RFX7: variants seen among roughly 807,000 people sequenced by gnomAD.
RFX7 encodes the protein DNA-binding protein RFX7.
A neutral mutation model predicts 111.8 loss-of-function variants in RFX7; 26 were observed. That is an observed-to-expected ratio of 0.23 (90% CI 0.17 to 0.32). The LOEUF (loss-of-function observed/expected upper bound fraction) is 0.32. RFX7 is among the 10% of genes least tolerant of loss of function. RFX7 has a pLI of 1.00. For missense variants in RFX7, 1,573 were observed against 1,772.9 expected (o/e 0.89, Z 2.02); for synonymous variants, 624 against 624.4 (o/e 1.00, Z 0.01).
intron 3 of RFX7, among the ~76,000 whole-genome samples, chr15:56,150,101 C>A (rs1291171477): frequency 6.6e-6 from 1 of 152,172 alleles, no homozygotes; most frequent in Non-Finnish European, 1.5e-5. Flanking sequence ...ACAGGATAAA[C>A]AAAGCTGCTG....
At chr15:56,112,071 C>T (rs1268896580) in intron 5 of RFX7, among the ~76,000 whole-genome samples, 9 of 150,500 alleles carry the variant, frequency 6.0e-5, no homozygotes, top group Admixed American at 1.3e-4. Context: ...GCTGAGATTT[C>T]GCCACTGCAC....
chr15:56,157,972 T>A (rs192531827), intron 3 of RFX7, among the ~76,000 whole-genome samples: 67 of 152,324 alleles, frequency 4.4e-4, no homozygotes, highest in Middle Eastern at 3.4e-3. Context: ...TATAAGAATA[T>A]CACCCAGTAA....
At chr15:56,179,984 G>A (rs1008313314) in intron 2 of RFX7, among the ~76,000 whole-genome samples, 1 of 152,082 alleles carries the variant, frequency 6.6e-6, no homozygotes. Flanking sequence ...TAACACAAAT[G>A]AAGCCAGTAT....
intron 5 of RFX7, among the ~76,000 whole-genome samples, chr15:56,130,614 T>TA (rs202052502): frequency 0.02 from 3,042 of 151,464 alleles, 41 homozygotes; most frequent in Middle Eastern, 0.031. Flanking sequence ...AAAACAAAGT[T>TA]AAGCATTCCA....
At chr15:56,128,120 G>T (rs2042168833) in intron 5 of RFX7, among the ~76,000 whole-genome samples, 1 of 152,154 alleles carries the variant, frequency 6.6e-6, no homozygotes. Context: ...GATTGAATTA[G>T]TAACTTAAAA....
intron 5 of RFX7, among the ~76,000 whole-genome samples, chr15:56,117,724 G>C (rs2042026489): frequency 6.6e-6 from 1 of 152,114 alleles, no homozygotes; most frequent in African/African-American, 2.4e-5. Flanking sequence ...AGAGCATGCA[G>C]CATTTAACTT....
chr15:56,194,835 C>T (rs2043132493), intron 2 of RFX7, among the ~76,000 whole-genome samples: 1 of 152,064 alleles, frequency 6.6e-6, no homozygotes, highest in African/African-American at 2.4e-5. Flanking sequence ...GATGATATGG[C>T]TGCTCTTGAA....
At chr15:56,168,445 C>T (rs1217296431) in intron 3 of RFX7, among the ~76,000 whole-genome samples, 1 of 152,108 alleles carries the variant, frequency 6.6e-6, no homozygotes, top group Non-Finnish European at 1.5e-5. Context: ...AAGTCCCAGC[C>T]CTTACTTCCA....
chr15:56,224,991 T>C (rs1697757187), intron 2 of RFX7, among the ~76,000 whole-genome samples: 1 of 152,128 alleles, frequency 6.6e-6, no homozygotes, highest in African/African-American at 2.4e-5. Flanking sequence ...GCCTCCTTTA[T>C]CACTGATTTG....
rs761122500 is a variant in RFX7 at position 56,199,424 on chromosome 15, C to T, written c.162-20121G>A. Among the ~76,000 whole-genome samples the T allele has an allele frequency of 8.5e-5, 13 of 152,222 alleles. No homozygotes were observed. The South Asian group carries it at 1.2e-3, about 15-fold the overall frequency. On this transcript the variant is annotated intron_variant, in intron 2 of 9. Transcript: ENST00000559447. The stretch of plus-strand genomic sequence containing the variant: ...TTTAAAAATAGCTAATTTGCTCTAA[C>T]AGGATTGTAAAAATATGTATTTTGG...
intron 2 of RFX7, 76 bp downstream of exon 2, chr15:56,243,049 G>GCC: frequency 2.1e-6 from 1 of 476,998 alleles, no homozygotes; most frequent in Non-Finnish European, 3.8e-6. Flanking sequence ...CGCTCCCCCC[G>GCC]CCCGCCGCCC....
At chr15:56,212,038 A>G (rs2043317597) in intron 2 of RFX7, among the ~76,000 whole-genome samples, 1 of 152,166 alleles carries the variant, frequency 6.6e-6, no homozygotes, top group African/African-American at 2.4e-5. Context: ...AAAAAAATAC[A>G]TTCATACGAA....
At chr15:56,100,808 T>A (rs186428408) in intron 8 of RFX7, among the ~76,000 whole-genome samples, 40 of 152,274 alleles carry the variant, frequency 2.6e-4, no homozygotes, top group Admixed American at 1.5e-3. Context: ...CAAAAACTCA[T>A]CTTTGAATAA....
intron 2 of RFX7, among the ~76,000 whole-genome samples, chr15:56,219,930 G>A (rs1247247816): frequency 6.6e-6 from 1 of 152,114 alleles, no homozygotes; most frequent in Admixed American, 6.5e-5. Flanking sequence ...ACAGTTCTTT[G>A]AGAAATCTCC....
chr15:56,095,814 TG>T lies in RFX7; in HGVS notation c.1913del (p.Ser638TyrfsTer35). 6.2e-7 allele frequency: 1 copy of T among 1,611,578 alleles called. No homozygotes were observed. ...TATTGATTGAGTCACCATTAGGTGG[TG>T]AGCTGCTGCTGGTGAAAGTTAAGTT... ...SQNLTFTSSSSPPNGDSINKD... is the reference protein window; with the variant it reads ...SQNLTFTSSSXPPNGDSINKD... On this transcript the variant is annotated frameshift_variant, in exon 10 of 10. Coordinates refer to ENST00000559447, the MANE Select transcript of RFX7 (RefSeq NM_022841.7). LOFTEE classifies it high-confidence loss of function.
At chr15:56,164,904 G>A (rs2042765273) in intron 3 of RFX7, among the ~76,000 whole-genome samples, 1 of 152,126 alleles carries the variant, frequency 6.6e-6, no homozygotes, top group Admixed American at 6.6e-5. Flanking sequence ...AGAGTTGGAA[G>A]GTAGAAAGAA....
At chr15:56,114,027 C>T (rs1278124848) in intron 5 of RFX7, among the ~76,000 whole-genome samples, 1 of 152,128 alleles carries the variant, frequency 6.6e-6, no homozygotes, top group Non-Finnish European at 1.5e-5. Context: ...TGTTGTAATC[C>T]TCCCTTATTT....
chr15:56,186,253 T>C (rs1374283052), intron 2 of RFX7, among the ~76,000 whole-genome samples: 4 of 152,226 alleles, frequency 2.6e-5, no homozygotes, highest in Admixed American at 2.6e-4. Context: ...CTTTAGTTCA[T>C]CAGTTCCAAC....
At chr15:56,099,450 C>T (rs528605687) in intron 8 of RFX7, among the ~76,000 whole-genome samples, 2 of 152,048 alleles carry the variant, frequency 1.3e-5, no homozygotes, top group East Asian at 1.9e-4. Flanking sequence ...TGCCCCTTTC[C>T]GACCCCAAGC....
Sources: allele counts gnomAD v4.1 joint callset (sites outside exome capture counted in the v4.1 genomes callset), GRCh38; gene constraint gnomAD v4.1.1; transcripts MANE v1.5; gene names NCBI Gene and HGNC (gene_info 2026-07-23, HGNC 2026-07-21).